TENM3: variants seen among roughly 807,000 people sequenced by gnomAD.
TENM3 encodes teneurin transmembrane protein 3.
TENM3 carries 63 observed loss-of-function variants against 255.1 expected under a neutral mutation model. The observed-to-expected ratio is 0.25, with a 90% CI of 0.20 to 0.30. The LOEUF (loss-of-function observed/expected upper bound fraction) is 0.30. TENM3 is among the 10% of genes least tolerant of loss of function. TENM3 has a pLI of 1.00. For missense variants in TENM3, 2,929 were observed against 3,461.1 expected (o/e 0.85, Z 3.86); for synonymous variants, 1,306 against 1,322.3 (o/e 0.99, Z 0.27).
intron 5 of TENM3, among the ~76,000 whole-genome samples, chr4:182,646,754 A>G (rs906636469): frequency 6.6e-6 from 1 of 152,112 alleles, no homozygotes; most frequent in African/African-American, 2.4e-5. Flanking sequence ...ACATACATAC[A>G]TACATAAAAA....
chr4:182,076,121 G>A, the TENM3 span, among the ~76,000 whole-genome samples: 1 of 151,896 alleles, frequency 6.6e-6, no homozygotes, highest in Admixed American at 6.6e-5. Flanking sequence ...ATGTTGCCCA[G>A]GCTGGTCTCG....
At chr4:182,355,356 C>T (rs1392813007) in intron 3 of TENM3, among the ~76,000 whole-genome samples, 1 of 152,116 alleles carries the variant, frequency 6.6e-6, no homozygotes, top group Non-Finnish European at 1.5e-5. Flanking sequence ...GCACGTTTTC[C>T]TGCAGGTAAT....
rs140712909 is a variant in TENM3, at chr4:182,470,984, A to G, written c.511+124055A>G. ...TTTTTAGTATAGAAATCTTCTAGTA[A>G]CAGAGTTTACCACGTCCGTCAATGT... On this transcript the variant is annotated intron_variant, in intron 3 of 27. Coordinates refer to ENST00000511685, the MANE Select transcript of TENM3 (RefSeq NM_001080477.4). 9.6e-3 allele frequency among the ~76,000 whole-genome samples: 1,469 copies of G among 152,334 alleles called. 25 individuals are homozygous for G. The highest frequency in any genetic ancestry group is 0.025 in the Admixed American group (385 of 15,306).
intron 1 of TENM3, among the ~76,000 whole-genome samples, chr4:182,210,929 G>A (rs190749272): frequency 6.6e-6 from 1 of 152,280 alleles, no homozygotes; most frequent in Admixed American, 6.5e-5. Context: ...GACCATAGGA[G>A]CACCATCACC....
At chr4:181,726,488 C>T in the TENM3 span, among the ~76,000 whole-genome samples, 3 of 152,210 alleles carry the variant, frequency 2.0e-5, no homozygotes, top group African/African-American at 7.2e-5. Context: ...TAAATTCACT[C>T]AGCTATGAAA....
intron 3 of TENM3, among the ~76,000 whole-genome samples, chr4:182,452,857 T>C (rs901496430): frequency 6.6e-6 from 1 of 152,292 alleles, no homozygotes. Flanking sequence ...TGTTGGAGTT[T>C]TGTCTGAGAT....
At chr4:181,451,049 G>C in the TENM3 span, among the ~76,000 whole-genome samples, 2 of 152,092 alleles carry the variant, frequency 1.3e-5, no homozygotes, top group Non-Finnish European at 2.9e-5. Context: ...TCTGAGTGAT[G>C]AAAAAACTAA....
At chr4:181,820,268 T>G in the TENM3 span, 2 of 152,296 alleles carry the variant, frequency 1.3e-5, no homozygotes, top group South Asian at 4.1e-4. Context: ...GTAATTTATT[T>G]CCTAGAACAA....
intron 5 of TENM3, among the ~76,000 whole-genome samples, chr4:182,632,901 T>C (rs1311412104): frequency 6.6e-6 from 1 of 151,018 alleles, no homozygotes; most frequent in African/African-American, 2.5e-5. Flanking sequence ...CATACTTATC[T>C]AATCTAAGTA....
chr4:181,759,724 A>ATGTGTGTG, the TENM3 span, among the ~76,000 whole-genome samples: 10,854 of 146,490 alleles, frequency 0.074, 423 homozygotes, highest in Middle Eastern at 0.12. Flanking sequence ...CAATCAACAG[A>ATGTGTGTG]TGTGTGTGTG....
chr4:182,727,001 T>C (rs1395816457), intron 13 of TENM3, among the ~76,000 whole-genome samples: 1 of 152,222 alleles, frequency 6.6e-6, no homozygotes, highest in Non-Finnish European at 1.5e-5. Flanking sequence ...TCTAGATATT[T>C]TCAGCTGAGC....
chr4:182,619,220 G>A (rs915595168), intron 4 of TENM3, among the ~76,000 whole-genome samples: 1 of 152,028 alleles, frequency 6.6e-6, no homozygotes, highest in Non-Finnish European at 1.5e-5. Flanking sequence ...GAGGTCAGGA[G>A]ATCAAGACCA....
chr4:181,701,902 C>G, the TENM3 span, among the ~76,000 whole-genome samples: 1 of 152,164 alleles, frequency 6.6e-6, no homozygotes, highest in Non-Finnish European at 1.5e-5. Flanking sequence ...GCTCGGGGAA[C>G]AGGAGGCTTT....
At chr4:182,276,794 T>C (rs922260789) in intron 1 of TENM3, among the ~76,000 whole-genome samples, 1 of 152,234 alleles carries the variant, frequency 6.6e-6, no homozygotes, top group African/African-American at 2.4e-5. Flanking sequence ...ATATTTCGTC[T>C]GTATGTATAT....
At chr4:181,683,361 A>C in the TENM3 span, among the ~76,000 whole-genome samples, 1 of 152,132 alleles carries the variant, frequency 6.6e-6, no homozygotes, top group East Asian at 1.9e-4. Flanking sequence ...TACACTTCTA[A>C]CCACTGTTCT....
chr4:182,434,753 T>C (rs965088156), intron 3 of TENM3, among the ~76,000 whole-genome samples: 2 of 152,122 alleles, frequency 1.3e-5, no homozygotes, highest in African/African-American at 4.8e-5. Flanking sequence ...TATTTTTCTT[T>C]TACCACACAC....
the TENM3 span, among the ~76,000 whole-genome samples, chr4:181,477,922 C>T: frequency 6.6e-6 from 1 of 152,148 alleles, no homozygotes; most frequent in Non-Finnish European, 1.5e-5. Context: ...CTTACCCTCC[C>T]CCTGTCCTTC....
chr4:181,593,157 A>G, the TENM3 span, among the ~76,000 whole-genome samples: 3 of 152,192 alleles, frequency 2.0e-5, no homozygotes, highest in Non-Finnish European at 4.4e-5. Flanking sequence ...TACAAACCAA[A>G]CCATAATCCT....
rs1561153404 is a variant in TENM3 at position 182,161,791 on chromosome 4, A to ATATG, written c.-76+17038_-76+17039insATGT. On this transcript the variant is annotated intron_variant, in intron 1 of 2. Transcript: ENST00000512480. ...TGTGTATATATATATACACAAATAT[A>ATATG]TGTATATATATACACATATATATGT... Among the ~76,000 whole-genome samples, 10 of 34,288 alleles carry ATATG rather than the reference A, an allele frequency of 2.9e-4. 3 individuals carry two copies. Among genetic ancestry groups the ATATG allele is most frequent in the East Asian group, 3.7e-3 (2 of 544 alleles). 22.5% of individuals were successfully genotyped at this position (34,288 alleles called of 152,430 possible). A position where few individuals can be genotyped will look rare whatever the true frequency, so the allele number is the denominator to read the frequency against.
Sources: allele counts gnomAD v4.1 joint callset (sites outside exome capture counted in the v4.1 genomes callset), GRCh38; gene constraint gnomAD v4.1.1; transcripts MANE v1.5; gene names NCBI Gene and HGNC (gene_info 2026-07-23, HGNC 2026-07-21).